The following EPHA6 variants were observed in gnomAD, a reference collection of about 807,000 sequenced individuals.
The protein encoded by EPHA6 is EPH receptor A6, also known as ephrin type-A receptor 6.
A neutral mutation model predicts 112.0 loss-of-function variants in EPHA6; 50 were observed. The observed-to-expected ratio is 0.45, with a 90% CI of 0.36 to 0.56. The LOEUF (loss-of-function observed/expected upper bound fraction) is 0.56, where lower values mean the gene tolerates loss of function less well. Ranked by LOEUF, EPHA6 falls within the 20% of genes least tolerant of loss-of-function variation. The pLI, the probability that EPHA6 is intolerant of heterozygous loss-of-function variation, is 0.00. For synonymous variants in EPHA6, 529 were observed against 490.7 expected, an observed-to-expected ratio of 1.08 and a Z score of -1.03; for missense variants, 1,280 against 1,417.4, an observed-to-expected ratio of 0.90 and a Z score of 1.56.
At chr3:97,632,054 T>A (rs1576139667) in intron 13 of EPHA6, among the ~76,000 whole-genome samples, 1 of 152,030 alleles carries the variant, frequency 6.6e-6, no homozygotes, top group African/African-American at 2.4e-5. Context: ...TTTGTAGTAG[T>A]CATAATCAGA....
intron 14 of EPHA6, among the ~76,000 whole-genome samples, chr3:97,639,744 T>C (rs2093984448): frequency 6.6e-6 from 1 of 152,174 alleles, no homozygotes; most frequent in Non-Finnish European, 1.5e-5. Flanking sequence ...CTCTTGGCAT[T>C]TTCTGTCTTA....
intron 1 of EPHA6, among the ~76,000 whole-genome samples, chr3:96,839,271 G>A (rs550745440): frequency 5.5e-4 from 83 of 152,094 alleles, no homozygotes; most frequent in Non-Finnish European, 1.0e-3. Flanking sequence ...GTCACCTCCC[G>A]TTAGATCAGT....
At chr3:96,952,179 T>C (rs2041570065) in intron 2 of EPHA6, among the ~76,000 whole-genome samples, 1 of 152,182 alleles carries the variant, frequency 6.6e-6, no homozygotes, top group African/African-American at 2.4e-5. Context: ...GAGCTACTTG[T>C]GGTCTGACGC....
At chr3:97,599,908 G>A (rs889270526) in intron 12 of EPHA6, among the ~76,000 whole-genome samples, 6 of 152,136 alleles carry the variant, frequency 3.9e-5, no homozygotes, top group African/African-American at 7.2e-5. Flanking sequence ...AGCATGGAAT[G>A]TTCTTCCATT....
chr3:97,269,051 T>C (rs1366383016), intron 5 of EPHA6, among the ~76,000 whole-genome samples: 1 of 152,192 alleles, frequency 6.6e-6, no homozygotes, highest in African/African-American at 2.4e-5. Flanking sequence ...TAAATGGTTT[T>C]GTAAGGAAAT....
chr3:97,609,162 A>T lies in EPHA6; in HGVS notation c.2513-1631A>T, dbSNP rs192948958. Among the ~76,000 whole-genome samples, 27 of 151,526 alleles carry T rather than the reference A, an allele frequency of 1.8e-4. No individual in the cohort carries two copies. The East Asian group carries it at 5.2e-3, about 29-fold the overall frequency. ...ATTAAAAAGCTGTGACTCTGCAGGC[A>T]GGGGAAGAAGACATCAGGCAGTCAT... On this transcript the variant is annotated intron_variant, in intron 12 of 17. Transcript: ENST00000389672.
chr3:96,961,309 ATCTG>A (rs1412192893), intron 2 of EPHA6, among the ~76,000 whole-genome samples: 10 of 152,216 alleles, frequency 6.6e-5, no homozygotes, highest in Admixed American at 6.5e-4. Flanking sequence ...AACCTTATCC[ATCTG>A]TCACTTACTT....
chr3:97,267,890 C>T (rs1218297872), intron 5 of EPHA6, among the ~76,000 whole-genome samples: 1 of 152,030 alleles, frequency 6.6e-6, no homozygotes, highest in African/African-American at 2.4e-5. Flanking sequence ...GATGAGTAAC[C>T]TTCTACCAGT....
chr3:97,322,963 C>T (rs1268104950), intron 5 of EPHA6, among the ~76,000 whole-genome samples: 1 of 151,966 alleles, frequency 6.6e-6, no homozygotes, highest in African/African-American at 2.4e-5. Context: ...AAAGCAGATG[C>T]TTTTATGCTA....
intron 5 of EPHA6, among the ~76,000 whole-genome samples, chr3:97,362,400 G>C (rs558475646): frequency 6.6e-6 from 1 of 152,012 alleles, no homozygotes; most frequent in South Asian, 2.1e-4. Flanking sequence ...CACCTCACAT[G>C]CGATATTTAG....
intron 3 of EPHA6, among the ~76,000 whole-genome samples, chr3:97,017,393 A>T (rs574754820): frequency 6.6e-6 from 1 of 152,330 alleles, no homozygotes; most frequent in Admixed American, 6.5e-5. Flanking sequence ...GCTGATGCCA[A>T]CCCTCAGAAG....
chr3:97,328,123 T>C (rs1162345215), intron 5 of EPHA6, among the ~76,000 whole-genome samples: 2 of 148,568 alleles, frequency 1.3e-5, no homozygotes, highest in East Asian at 2.0e-4. Context: ...CTTGGCTATT[T>C]CCATTTGTTA....
At chr3:97,027,479 C>T (rs942651375) in intron 3 of EPHA6, among the ~76,000 whole-genome samples, 8 of 151,908 alleles carry the variant, frequency 5.3e-5, no homozygotes, top group African/African-American at 1.7e-4. Flanking sequence ...TAAGCCACCT[C>T]CAAGGAAAAA....
At chr3:97,326,777 G>C (rs2082447934) in intron 5 of EPHA6, among the ~76,000 whole-genome samples, 1 of 152,098 alleles carries the variant, frequency 6.6e-6, no homozygotes, top group Non-Finnish European at 1.5e-5. Context: ...TGCTGGAATA[G>C]TAGAAGGCAT....
At chr3:97,391,159 T>C (rs1002979692) in intron 5 of EPHA6, among the ~76,000 whole-genome samples, 2 of 152,042 alleles carry the variant, frequency 1.3e-5, no homozygotes, top group Non-Finnish European at 2.9e-5. Flanking sequence ...TCTACTTTCA[T>C]AAAATGGTGG....
intron 5 of EPHA6, among the ~76,000 whole-genome samples, chr3:97,357,879 G>A (rs1164409269): frequency 6.6e-6 from 1 of 152,124 alleles, no homozygotes; most frequent in Admixed American, 6.6e-5. Flanking sequence ...AACGGAAGTG[G>A]AACATCATAA....
At chr3:96,980,578 A>G (rs1422540225) in intron 2 of EPHA6, among the ~76,000 whole-genome samples, 2 of 152,108 alleles carry the variant, frequency 1.3e-5, no homozygotes, top group African/African-American at 4.8e-5. Context: ...GTTTTTTCCA[A>G]TTCTGTGAAG....
At chr3:97,074,629 A>G (rs148952020) in intron 3 of EPHA6, among the ~76,000 whole-genome samples, 3 of 152,128 alleles carry the variant, frequency 2.0e-5, no homozygotes, top group African/African-American at 7.2e-5. Context: ...TTAATTTTAT[A>G]CATAAAATTT....
intron 2 of EPHA6, among the ~76,000 whole-genome samples, chr3:96,916,951 G>T (rs79242277): frequency 0.02 from 2,999 of 152,238 alleles, 106 homozygotes; most frequent in African/African-American, 0.067. Flanking sequence ...AAGTGTGAAA[G>T]ATTTACTATT....
Sources: allele counts gnomAD v4.1 joint callset (sites outside exome capture counted in the v4.1 genomes callset), GRCh38; gene constraint gnomAD v4.1.1; transcripts MANE v1.5; gene names NCBI Gene and HGNC (gene_info 2026-07-23, HGNC 2026-07-21).